The following PPP2R5C variants were observed in gnomAD, a reference collection of about 807,000 sequenced individuals.
The protein encoded by PPP2R5C is protein phosphatase 2 regulatory subunit B'gamma.
Under a neutral mutation model 68.9 loss-of-function variants are expected in PPP2R5C, and 7 were observed. The observed-to-expected ratio is 0.10, with a 90% CI of 0.06 to 0.19. The LOEUF is 0.19. Among genes scored for constraint, PPP2R5C ranks in the 10% least tolerant of loss-of-function variants. PPP2R5C has a pLI of 1.00. For missense variants in PPP2R5C, 348 were observed against 641.3 expected, an observed-to-expected ratio of 0.54 and a Z score of 4.94; for synonymous variants, 210 against 222.2, an observed-to-expected ratio of 0.95 and a Z score of 0.49.
At chr14:101,780,222 C>T (rs1214300760) in intron 2 of PPP2R5C, among the ~76,000 whole-genome samples, 2 of 152,168 alleles carry the variant, frequency 1.3e-5, no homozygotes, top group African/African-American at 4.8e-5. Flanking sequence ...AGCATTAAAT[C>T]TCCCCTCCCC....
intron 13 of PPP2R5C, chr14:101,920,958 G>C (rs1159090147): frequency 1.3e-5 from 2 of 159,134 alleles, no homozygotes; most frequent in Non-Finnish European, 2.7e-5. Flanking sequence ...CTGTGGATCA[G>C]TTGAATCAAT....
chr14:101,835,281 G>A lies in PPP2R5C; in HGVS notation c.95-21405G>A, dbSNP rs2041013913. ...ATTGGGATAAGGGAAGCCCAGGGCA[G>A]GGTGTTGGCACAGAGCTGGGAGGTG... On this transcript the variant is annotated intron_variant, in intron 1 of 13. Coordinates refer to ENST00000334743, the Ensembl canonical transcript of PPP2R5C. This position sits in a 1 kb window ranked among gnomAD's most constrained non-coding sequence, Gnocchi z 5.0. 6.6e-6 allele frequency among the ~76,000 whole-genome samples: 1 copy of A among 152,214 alleles called. No homozygotes were observed. Among genetic ancestry groups the A allele is most frequent in the Non-Finnish European group, 1.5e-5 (1 of 68,044 alleles).
intron 13 of PPP2R5C, chr14:101,921,216 A>G (rs2046988221): frequency 4.2e-6 from 1 of 240,534 alleles, no homozygotes. Context: ...TACCGGCACC[A>G]CCACACTCAG....
intron 3 of PPP2R5C, among the ~76,000 whole-genome samples, chr14:101,798,897 G>A (rs912148291): frequency 9.2e-5 from 14 of 152,208 alleles, no homozygotes; most frequent in African/African-American, 3.4e-4. Context: ...CATCATGGGG[G>A]ACCTGGAATG....
At chr14:101,812,706 A>C (rs1321755836) in intron 1 of PPP2R5C, among the ~76,000 whole-genome samples, 3 of 152,138 alleles carry the variant, frequency 2.0e-5, no homozygotes, top group African/African-American at 7.2e-5. Context: ...CTCATTTATT[A>C]ATCATTTTAC....
intron 10 of PPP2R5C, 48 bp from the exon 13 acceptor site, chr14:101,909,541 T>G: frequency 1.5e-6 from 2 of 1,333,910 alleles, no homozygotes; most frequent in Non-Finnish European, 2.2e-6. Flanking sequence ...AGGCGAGGGC[T>G]CAGCAGGAAT....
chr14:101,845,853 G>A (rs1334968104), intron 1 of PPP2R5C, among the ~76,000 whole-genome samples: 4 of 152,178 alleles, frequency 2.6e-5, no homozygotes, highest in African/African-American at 7.2e-5. Context: ...GCATTGGAAC[G>A]TTATGGTGGA....
intron 7 of PPP2R5C, among the ~76,000 whole-genome samples, chr14:101,894,022 C>G (rs2045141135): frequency 6.6e-6 from 1 of 152,180 alleles, no homozygotes; most frequent in South Asian, 2.1e-4. Flanking sequence ...ATGGTAGGGG[C>G]TAAATGACAA....
At chr14:101,821,444 G>GGGGTGT (rs1426759384) in intron 1 of PPP2R5C, among the ~76,000 whole-genome samples, 17 of 130,158 alleles carry the variant, frequency 1.3e-4, no homozygotes, top group African/African-American at 4.1e-4. Context: ...GTGGGGGGTG[G>GGGGTGT]GTGGGTGGGT....
At chr14:101,824,789 T>A (rs2040296158) in intron 1 of PPP2R5C, 1 of 152,600 alleles carries the variant, frequency 6.6e-6, no homozygotes, top group East Asian at 1.9e-4. Flanking sequence ...CTGCGCTGGC[T>A]TCAGGAGGAG....
intron 1 of PPP2R5C, chr14:101,836,373 C>T (rs191613456): frequency 5.1e-4 from 361 of 702,398 alleles, no homozygotes; most frequent in African/African-American, 4.6e-3. Flanking sequence ...GCCCTTCTGC[C>T]TCTACTCCCG....
intron 2 of PPP2R5C, among the ~76,000 whole-genome samples, chr14:101,771,222 CGTGTGTGTGTGTGTGTGTGT>C (rs3993402): frequency 9.6e-5 from 13 of 135,490 alleles, no homozygotes; most frequent in South Asian, 2.6e-4. Flanking sequence ...TTCTTCATCT[CGTGTGTGTGTGTGTGTGTGT>C]GTGTGTGTGT....
At chr14:101,810,084 A>C (rs1156300781) in intron 1 of PPP2R5C, 10 of 1,509,978 alleles carry the variant, frequency 6.6e-6, no homozygotes, top group Non-Finnish European at 8.3e-6. Flanking sequence ...GTGGGTAGTT[A>C]ATAAATGGCT....
At chr14:101,887,419 C>T (rs1455022516) in intron 5 of PPP2R5C, among the ~76,000 whole-genome samples, 1 of 152,218 alleles carries the variant, frequency 6.6e-6, no homozygotes. Context: ...TCACACCATC[C>T]TGGAGCCAGG....
rs1039454146 is a variant in PPP2R5C at position 101,825,517 on chromosome 14, G to A, written c.94+15481G>A. Among the ~76,000 whole-genome samples, 4 of 152,106 alleles carry A rather than the reference G, an allele frequency of 2.6e-5. No individual in the cohort carries two copies. Among genetic ancestry groups the A allele is most frequent in the Admixed American group, 2.0e-4 (3 of 15,272 alleles). The stretch of plus-strand genomic sequence containing the variant: ...TGCCCAGCCTATTTGGGGTGCACAC[G>A]CTCATCGATGAGGGCAACAGAACAC... On this transcript the variant is annotated intron_variant, in intron 1 of 13. Transcript: ENST00000334743. The surrounding 1 kb of genome is among the most constrained non-coding windows in gnomAD (Gnocchi z 4.0).
intron 12 of PPP2R5C, 30 bp downstream of exon 14, chr14:101,912,503 C>T (rs2046452390): frequency 6.3e-7 from 1 of 1,583,218 alleles, no homozygotes; most frequent in Non-Finnish European, 8.5e-7. Context: ...CATGAAAACG[C>T]CCAGGGTTAC....
intron 2 of PPP2R5C, among the ~76,000 whole-genome samples, chr14:101,784,510 T>TGGGG (rs36040425): frequency 2.4e-5 from 3 of 123,556 alleles, no homozygotes; most frequent in African/African-American, 9.0e-5. Flanking sequence ...AGAGAGAAAG[T>TGGGG]GGGGGGGGGG....
In PPP2R5C at chr14:101,768,718, TGTG is replaced by T. The variant is rs374238112; in HGVS notation, c.93+5750_93+5752del. On this transcript the variant is annotated intron_variant, in intron 2 of 14. Transcript: ENST00000328724. ...GTTATCATAAAAACCGTTTTGACCT[TGTG>T]GACCCCTGAAAGGGTCAAGGGACAC... Among the ~76,000 whole-genome samples, 507 of 152,244 alleles carry T rather than the reference TGTG, an allele frequency of 3.3e-3. 2 individuals carry two copies. The highest frequency in any genetic ancestry group is 0.01 in the African/African-American group (436 of 41,548).
chr14:101,840,384 GCAGC>G (rs3831045), intron 1 of PPP2R5C, among the ~76,000 whole-genome samples: 11,848 of 149,306 alleles, frequency 0.079, 500 homozygotes, highest in Middle Eastern at 0.14. Context: ...CTAGTTAATA[GCAGC>G]CAGCGTCTCT....
Sources: allele counts gnomAD v4.1 joint callset (sites outside exome capture counted in the v4.1 genomes callset), GRCh38; gene constraint gnomAD v4.1.1; non-coding constraint Gnocchi (gnomAD v3.1); transcripts MANE v1.5; gene names NCBI Gene and HGNC (gene_info 2026-07-23, HGNC 2026-07-21).